PCSK4: variants seen among roughly 807,000 people sequenced by gnomAD.
PCSK4 encodes proprotein convertase subtilisin/kexin type 4.
In PCSK4, 64 loss-of-function variants were observed where a neutral mutation model predicts 80.3. The ratio of observed to expected loss-of-function variants is 0.80; its 90% CI spans 0.65 to 0.98. The LOEUF (loss-of-function observed/expected upper bound fraction) is 0.98, where lower values mean the gene tolerates loss of function less well. Among genes scored for constraint, PCSK4 ranks in the 50% least tolerant of loss-of-function variants. PCSK4 has a pLI of 0.00. For synonymous variants in PCSK4, 561 were observed against 487.6 expected (o/e 1.15, Z -1.98); for missense variants, 1,213 against 1,093.6 (o/e 1.11, Z -1.54).
exon 5 of PCSK4, chr19:1,487,841 G>T: frequency 6.4e-7 from 1 of 1,559,202 alleles, no homozygotes; most frequent in Non-Finnish European, 8.7e-7. Flanking sequence ...AGTCATTGAA[G>T]TCATAGCTGG....
intron 6 of PCSK4, 101 bp from the exon 7 acceptor site, chr19:1,487,414 GC>G: frequency 9.1e-7 from 1 of 1,093,204 alleles, no homozygotes; most frequent in South Asian, 1.5e-5. Context: ...CCCTACCTGG[GC>G]CCTCTCTCTG....
rs762611012 is a variant in PCSK4, at chr19:1,488,244, C to T, written c.331G>A (p.Val111Met). Residue 111 changes from valine (V) to methionine (M), a missense_variant, in exon 3 of 15, where the codon GTG becomes ATG. By Grantham distance (21) the Val-to-Met change is conservative. Transcript: ENST00000300954. ...GTGGGCACCACGACAGAGCGTTTCACCCGCCGCTGCAGCGTCTGCTGCTGG... is the reference window on the plus strand; with the variant it reads ...GTGGGCACCACGACAGAGCGTTTCATCCGCCGCTGCAGCGTCTGCTGCTGG... The T allele has an allele frequency of 5.6e-6, 9 of 1,613,302 alleles. No individual in the cohort carries two copies. Among genetic ancestry groups the T allele is most frequent in the Non-Finnish European group, 5.9e-6 (7 of 1,179,926 alleles).
chr19:1,490,310 C>A, exon 1 of PCSK4: 3 of 1,490,518 alleles, frequency 2.0e-6, no homozygotes, highest in Non-Finnish European at 2.7e-6. Context: ...AGGGCCAAGA[C>A]CAGGCGCAGC....
exon 15 of PCSK4, chr19:1,481,654 G>T: frequency 1.4e-6 from 1 of 711,290 alleles, no homozygotes; most frequent in East Asian, 2.9e-5. Context: ...GCCAGGCGTC[G>T]GGTGCTGGTG....
chr19:1,484,158 G>A, intron 8 of PCSK4, 31 bp from the exon 9 acceptor site: 2 of 1,243,704 alleles, frequency 1.6e-6, no homozygotes, highest in South Asian at 1.3e-5. Flanking sequence ...GACTCGGGGG[G>A]CCGTGCACAG....
Position 1,483,977 on chromosome 19 carries a change from G to A in PCSK4, c.1170-36C>T, listed in dbSNP as rs1292605437. The A allele has an allele frequency of 2.1e-5, 31 of 1,456,760 alleles. No individual in the cohort carries two copies. The East Asian group carries it at 6.0e-4, about 28-fold the overall frequency. 90.2% of individuals were successfully genotyped at this position (1,456,760 alleles called of 1,614,324 possible). On this transcript the variant is annotated intron_variant, in intron 9 of 14. Coordinates refer to ENST00000300954, the Ensembl canonical transcript of PCSK4. ...CGGGGGCGGGGGCGGGTGAGCCGCC[G>A]GGCCGCGCCTGGGGGCGAGGGCGGT... is the stretch of plus-strand genomic sequence containing the variant.
At chr19:1,488,309 T>A in intron 2 of PCSK4, 29 bp from the exon 3 acceptor site, 5 of 1,483,134 alleles carry the variant, frequency 3.4e-6, no homozygotes, top group Non-Finnish European at 4.7e-6. Flanking sequence ...ATCAGGCCTG[T>A]CCCCTGCTCG....
rs2084848955 is a variant in PCSK4 at position 1,489,903 on chromosome 19, G to C, written c.190-6C>G. On this transcript the variant is annotated splice_polypyrimidine_tract_variant and splice_region_variant and intron_variant, in intron 1 of 14. Coordinates refer to ENST00000300954, the Ensembl canonical transcript of PCSK4. ...TACTGCCCGTCAGGGAAGATCTGGGGATGTGGGGAAGCGGCCGCACCGATG... is the reference window on the plus strand; with the variant it reads ...TACTGCCCGTCAGGGAAGATCTGGGCATGTGGGGAAGCGGCCGCACCGATG... The C allele has an allele frequency of 6.2e-7, 1 of 1,603,344 alleles. No individual in the cohort carries two copies. Among genetic ancestry groups the C allele is most frequent in the Non-Finnish European group, 8.5e-7 (1 of 1,175,632 alleles).
intron 8 of PCSK4, among the ~76,000 whole-genome samples, chr19:1,485,899 G>C (rs1243436023): frequency 6.6e-6 from 1 of 152,094 alleles, no homozygotes; most frequent in Non-Finnish European, 1.5e-5. Context: ...AAGAAACCCT[G>C]GGCTGAAGTG....
In PCSK4 at chr19:1,490,143, C is replaced by T. The variant is rs779507282; in HGVS notation, c.189+15G>A. 6.2e-7 allele frequency: 1 copy of T among 1,613,270 alleles called. No homozygotes were observed. ...CTCCAAGCCCCCACTTCCCGTCTAT[C>T]CCGGTCCCACCCACCGGCCCCAGGT... On this transcript the variant is annotated intron_variant, in intron 1 of 14. Coordinates refer to ENST00000300954, the Ensembl canonical transcript of PCSK4.
chr19:1,490,246 T>C (rs749166064), exon 1 of PCSK4: 80 of 1,611,970 alleles, frequency 5.0e-5, no homozygotes, highest in Admixed American at 1.0e-4. Flanking sequence ...GCTGCTGACA[T>C]AGATGGGGGC....
At chr19:1,490,203 C>T in exon 1 of PCSK4, 1 of 1,613,494 alleles carries the variant, frequency 6.2e-7, no homozygotes, top group East Asian at 2.2e-5. Context: ...GGCGCTCGAC[C>T]TCCCGGTTAC....
rs1280173518 is a variant in PCSK4, at chr19:1,481,479, G to A, written c.*280C>T. 3.6e-5 allele frequency: 13 copies of A among 363,432 alleles called. No individual in the cohort carries two copies. The South Asian group carries it at 7.7e-4, about 22-fold the overall frequency. 22.5% of individuals were successfully genotyped at this position (363,432 alleles called of 1,614,324 possible). On this transcript the variant is annotated 3_prime_UTR_variant, in exon 15 of 15. Transcript: ENST00000300954. ...AACTCTGAGGTTGGACGCGGTGCCC[G>A]AGGCGGACAGTGTCACGTTTCTCTC...
At chr19:1,487,358 TC>T in intron 6 of PCSK4, 45 bp from the exon 7 acceptor site, 1 of 1,476,312 alleles carries the variant, frequency 6.8e-7, no homozygotes, top group Non-Finnish European at 9.2e-7. Context: ...GCCCTGCCCT[TC>T]CCCACACCCC....
exon 14 of PCSK4, chr19:1,482,396 G>A (rs2084344223): frequency 1.3e-6 from 2 of 1,592,634 alleles, no homozygotes; most frequent in Non-Finnish European, 1.7e-6. Context: ...ACGCGCTGCT[G>A]GTCACCTGGG....
At chr19:1,488,499 A>C (rs2084762203) in intron 2 of PCSK4, among the ~76,000 whole-genome samples, 1 of 151,978 alleles carries the variant, frequency 6.6e-6, no homozygotes. Flanking sequence ...GCCGCGGGTG[A>C]CTGCAGGTCC....
In PCSK4 at chr19:1,483,954, G is replaced by C; in HGVS notation, c.1170-13C>G. 2 of 1,429,708 alleles carry C rather than the reference G, an allele frequency of 1.4e-6. No individual in the cohort carries two copies. Among genetic ancestry groups the C allele is most frequent in the Non-Finnish European group, 1.8e-6 (2 of 1,096,022 alleles). The allele number at this position is 1,429,708 out of a possible 1,614,324, so 88.6% of individuals were successfully genotyped here. A position where few individuals can be genotyped will look rare whatever the true frequency, so the allele number is the denominator to read the frequency against. ...CGTCAGGAACGGGCTGCGGGGGGCGGGGGCGGGGGCGGGTGAGCCGCCGGG... is the reference window on the plus strand; with the variant it reads ...CGTCAGGAACGGGCTGCGGGGGGCGCGGGCGGGGGCGGGTGAGCCGCCGGG... On this transcript the variant is annotated splice_polypyrimidine_tract_variant and intron_variant, in intron 9 of 14. Coordinates refer to ENST00000300954, the Ensembl canonical transcript of PCSK4.
intron 8 of PCSK4, among the ~76,000 whole-genome samples, chr19:1,485,206 AG>A (rs987941416): frequency 2.6e-5 from 4 of 151,916 alleles, no homozygotes; most frequent in African/African-American, 9.7e-5. Flanking sequence ...AGAAGTAACA[AG>A]GACTATGCTC....
intron 2 of PCSK4, chr19:1,489,505 TG>T: frequency 2.3e-6 from 1 of 433,340 alleles, no homozygotes; most frequent in Non-Finnish European, 4.2e-6. Flanking sequence ...ACCTAGACGG[TG>T]GGGAAGTCAC....
Sources: allele counts gnomAD v4.1 joint callset (sites outside exome capture counted in the v4.1 genomes callset), GRCh38; gene constraint gnomAD v4.1.1; transcripts MANE v1.5; gene names NCBI Gene and HGNC (gene_info 2026-07-23, HGNC 2026-07-21).